Variants in MYLK observed in about 807,000 individuals in gnomAD.
MYLK encodes myosin light chain kinase.
Under a neutral mutation model 203.4 loss-of-function variants are expected in MYLK, and 106 were observed. That is an observed-to-expected ratio of 0.52 (90% CI 0.45 to 0.61). The LOEUF is 0.61. MYLK is among the 20% of genes least tolerant of loss of function. The pLI, the probability that MYLK is intolerant of heterozygous loss-of-function variation, is 0.00. For synonymous variants in MYLK, 867 were observed against 959.5 expected (o/e 0.90, Z 1.78); for missense variants, 2,072 against 2,442.3 (o/e 0.85, Z 3.20).
chr3:123,647,265 A>G lies in MYLK; in HGVS notation c.4578T>C (p.Asp1526=), dbSNP rs2059052934. ...CGATGTTGGCCTTTTCTTCAAAGGCATCCACACACTGGACCAGCTTAGGGT... is the reference window on the plus strand; with the variant it reads ...CGATGTTGGCCTTTTCTTCAAAGGCGTCCACACACTGGACCAGCTTAGGGT... ...LHHPKLVQCV[D]AFEEKANIVM... Residue 1526 remains aspartate, a synonymous_variant, in exon 27 of 34, where the codon GAT becomes GAC. Transcript: ENST00000360304. 1 of 1,614,240 alleles carries G rather than the reference A, an allele frequency of 6.2e-7. No homozygotes were observed. Among genetic ancestry groups the G allele is most frequent in the African/African-American group, 1.3e-5 (1 of 75,066 alleles).
At chr3:123,751,640 T>C (rs2063196131) in intron 5 of MYLK, among the ~76,000 whole-genome samples, 1 of 152,172 alleles carries the variant, frequency 6.6e-6, no homozygotes, top group South Asian at 2.1e-4. Flanking sequence ...TTTCTAGATG[T>C]TGGAGATAAG....
intron 2 of MYLK, among the ~76,000 whole-genome samples, chr3:123,834,919 C>G (rs773237390): frequency 6.6e-6 from 1 of 152,128 alleles, no homozygotes; most frequent in Non-Finnish European, 1.5e-5. Flanking sequence ...TGCATATTGT[C>G]TTATGAGGCA....
chr3:123,803,963 G>A (rs763272141), intron 3 of MYLK, among the ~76,000 whole-genome samples: 3 of 152,076 alleles, frequency 2.0e-5, no homozygotes, highest in African/African-American at 7.3e-5. Context: ...GGGGAAAAAG[G>A]AGAAAAAGAG....
intron 4 of MYLK, among the ~76,000 whole-genome samples, chr3:123,760,508 T>G (rs1422011004): frequency 6.6e-6 from 1 of 152,206 alleles, no homozygotes; most frequent in East Asian, 1.9e-4. Context: ...AGATAGCACA[T>G]GTACAATACC....
intron 16 of MYLK, among the ~76,000 whole-genome samples, chr3:123,705,454 G>C (rs2061426334): frequency 6.6e-6 from 1 of 152,202 alleles, no homozygotes; most frequent in Non-Finnish European, 1.5e-5. Context: ...ATAAGGAATG[G>C]AAGAGCATCT....
At chr3:123,771,336 T>C (rs1244701778) in intron 4 of MYLK, among the ~76,000 whole-genome samples, 1 of 152,202 alleles carries the variant, frequency 6.6e-6, no homozygotes, top group African/African-American at 2.4e-5. Context: ...CTCATTTTTA[T>C]CAACTACAGA....
At position 123,692,805 on chromosome 3, in the gene MYLK, T is replaced by C. The variant is rs142345443; in HGVS notation, c.3495A>G (p.Arg1165=). ...TCTTGGCTACACACTTGTATAAGCC[T>C]CTGTCCTCAGGCAGTGCCTTCTCGA... ...VSIEKALPED[R]GLYKCVAKND... The change falls in exon 19 of 34, where the codon AGA becomes AGG. Residue 1165 remains arginine (R), a synonymous_variant. Coordinates refer to ENST00000360304, the MANE Select transcript of MYLK (RefSeq NM_053025.4). 15 of 1,614,034 alleles carry C rather than the reference T, an allele frequency of 9.3e-6. No homozygotes were observed. The highest frequency in any genetic ancestry group is 2.2e-5 in the East Asian group (1 of 44,866).
chr3:123,646,102 C>T (rs551198509), intron 27 of MYLK, among the ~76,000 whole-genome samples: 82 of 152,154 alleles, frequency 5.4e-4, no homozygotes, highest in African/African-American at 1.9e-3. Context: ...CCAGCCTCGG[C>T]GACAGAGTGA....
intron 5 of MYLK, 79 bp from the exon 6 acceptor site, chr3:123,740,080 G>T: frequency 1.4e-6 from 2 of 1,407,578 alleles, no homozygotes; most frequent in Non-Finnish European, 2.0e-6. Flanking sequence ...AACAGCAGGG[G>T]TGGGTGGGAT....
chr3:123,664,539 T>C (rs749175477), intron 22 of MYLK, among the ~76,000 whole-genome samples: 4 of 152,124 alleles, frequency 2.6e-5, no homozygotes, highest in Admixed American at 6.5e-5. Flanking sequence ...CCCAGAAATA[T>C]CCTGGTCTCC....
intron 16 of MYLK, among the ~76,000 whole-genome samples, chr3:123,705,008 G>A (rs1189937757): frequency 1.3e-5 from 2 of 152,208 alleles, no homozygotes; most frequent in African/African-American, 4.8e-5. Context: ...CTGACTTTTT[G>A]TCATTTCCCC....
At chr3:123,790,698 A>C (rs1252157977) in intron 4 of MYLK, among the ~76,000 whole-genome samples, 1 of 152,228 alleles carries the variant, frequency 6.6e-6, no homozygotes, top group Non-Finnish European at 1.5e-5. Flanking sequence ...CCAAAAGCAC[A>C]CATTTGAAGA....
At chr3:123,854,218 C>G (rs1217135238) in intron 2 of MYLK, among the ~76,000 whole-genome samples, 1 of 150,972 alleles carries the variant, frequency 6.6e-6, no homozygotes, top group East Asian at 1.9e-4. Flanking sequence ...CCAACCAACC[C>G]AAAGAATTGG....
chr3:123,760,343 T>A (rs2063495945), intron 4 of MYLK, among the ~76,000 whole-genome samples: 1 of 152,154 alleles, frequency 6.6e-6, no homozygotes, highest in Non-Finnish European at 1.5e-5. Flanking sequence ...CACGCCCAGC[T>A]AATTTTGTAT....
At chr3:123,857,840 T>C (rs1004764790) in intron 2 of MYLK, among the ~76,000 whole-genome samples, 1 of 152,036 alleles carries the variant, frequency 6.6e-6, no homozygotes, top group Non-Finnish European at 1.5e-5. Context: ...AAATTGTGTG[T>C]CATGGGCTAT....
chr3:123,849,956 A>C (rs2030546774), intron 2 of MYLK, among the ~76,000 whole-genome samples: 1 of 151,986 alleles, frequency 6.6e-6, no homozygotes, highest in Non-Finnish European at 1.5e-5. Flanking sequence ...AAGTGTTCTC[A>C]TTGTTCAATT....
chr3:123,870,775 T>A (rs1016804214), intron 2 of MYLK, among the ~76,000 whole-genome samples: 1 of 152,226 alleles, frequency 6.6e-6, no homozygotes, highest in Non-Finnish European at 1.5e-5. Flanking sequence ...CGTGCTCCAA[T>A]GGCAGAGATG....
At chr3:123,733,656 G>GCTA (rs777201181) in intron 10 of MYLK, 31 bp downstream of exon 10, 2 of 1,612,126 alleles carry the variant, frequency 1.2e-6, no homozygotes, top group Non-Finnish European at 1.7e-6. Flanking sequence ...CTACATTTTG[G>GCTA]CAATCGGTGA....
chr3:123,662,709 CCACGTGTGTGTG>C (rs1283027900), intron 23 of MYLK, among the ~76,000 whole-genome samples: 1 of 152,194 alleles, frequency 6.6e-6, no homozygotes, highest in Non-Finnish European at 1.5e-5. Flanking sequence ...TTCTGTGTGC[CCACGTGTGTGTG>C]CACCAGGAAC....
Sources: gnomAD v4.1 joint callset for allele counts (sites outside exome capture counted in the v4.1 genomes callset) on GRCh38, gnomAD v4.1.1 for gene constraint, MANE v1.5 for transcripts, NCBI Gene and HGNC (gene_info 2026-07-23, HGNC 2026-07-21) for gene names.